Variants in CALN1 observed in about 807,000 individuals in gnomAD.
CALN1 encodes calneuron 1.
In CALN1, 17 loss-of-function variants were observed where a neutral mutation model predicts 30.6. The observed-to-expected ratio is 0.56, with a 90% CI of 0.38 to 0.83. The LOEUF (loss-of-function observed/expected upper bound fraction) is 0.83. Among genes scored for constraint, CALN1 ranks in the 40% least tolerant of loss-of-function variants. CALN1 has a pLI of 0.00. For synonymous variants in CALN1, 156 were observed against 131.4 expected, an observed-to-expected ratio of 1.19 and a Z score of -1.28; for missense variants, 291 against 354.9, an observed-to-expected ratio of 0.82 and a Z score of 1.45.
rs543162710 is a variant in CALN1, at chr7:72,389,656, G to C, written c.119+13595C>G. Among the ~76,000 whole-genome samples, 36 of 152,266 alleles carry C rather than the reference G, an allele frequency of 2.4e-4. No individual in the cohort carries two copies. The South Asian group carries it at 7.3e-3, about 31-fold the overall frequency. On this transcript the variant is annotated intron_variant, in intron 2 of 6. Coordinates refer to ENST00000395275, the MANE Select transcript of CALN1 (RefSeq NM_031468.4). Reference sequence around the variant, plus strand: ...ACCAAGGGGCTGAGCTTGGTGGCTTGTGCCTGTAATCCCAACACTTTGGGA... The same window carrying C: ...ACCAAGGGGCTGAGCTTGGTGGCTTCTGCCTGTAATCCCAACACTTTGGGA...
chr7:71,831,894 A>C (rs1313788033), intron 5 of CALN1, among the ~76,000 whole-genome samples: 8 of 150,240 alleles, frequency 5.3e-5, no homozygotes, highest in African/African-American at 1.7e-4. Context: ...AAAAAAAAAA[A>C]AAACAAACCA....
In CALN1 at chr7:71,885,806, C is replaced by T. The variant is rs568820994; in HGVS notation, c.502-75314G>A. On this transcript the variant is annotated intron_variant, in intron 5 of 6. Transcript: ENST00000395275. ...CTGACTATTATACATCCCCAGCTCT[C>T]TCTTCCTGTGGTTCTATTTTCATCC... is the stretch of plus-strand genomic sequence containing the variant. 1.1e-4 allele frequency among the ~76,000 whole-genome samples: 16 copies of T among 152,352 alleles called. 1 individual carries two copies. Among genetic ancestry groups the T allele is most frequent in the African/African-American group, 3.8e-4 (16 of 41,594 alleles).
At chr7:72,409,224 G>A (rs1806933551) in intron 1 of CALN1, among the ~76,000 whole-genome samples, 1 of 151,580 alleles carries the variant, frequency 6.6e-6, no homozygotes, top group Non-Finnish European at 1.5e-5. Flanking sequence ...TCCAAGTCCT[G>A]ACCTCATGAT....
chr7:72,234,000 T>C (rs1043650055), intron 3 of CALN1, among the ~76,000 whole-genome samples: 1 of 151,944 alleles, frequency 6.6e-6, no homozygotes, highest in Non-Finnish European at 1.5e-5. Context: ...CAAGATGTTG[T>C]CTCAAAATAA....
intron 3 of CALN1, among the ~76,000 whole-genome samples, chr7:72,259,981 C>T (rs1796159475): frequency 6.6e-6 from 1 of 152,190 alleles, no homozygotes; most frequent in Admixed American, 6.5e-5. Flanking sequence ...CAAAACACTC[C>T]AGTGCTTTGG....
chr7:71,867,059 C>A (rs949422829), intron 5 of CALN1, among the ~76,000 whole-genome samples: 1 of 151,782 alleles, frequency 6.6e-6, no homozygotes, highest in Non-Finnish European at 1.5e-5. Context: ...GCAGGGGAAT[C>A]GCTTGAATCC....
chr7:72,403,419 A>G lies in CALN1; in HGVS notation c.-50T>C, dbSNP rs1310508238. 1.4e-6 allele frequency: 2 copies of G among 1,440,576 alleles called. No individual in the cohort carries two copies. The highest frequency in any genetic ancestry group is 1.2e-5 in the South Asian group (1 of 80,056). The allele number at this position is 1,440,576 out of a possible 1,614,324, so 89.2% of individuals were successfully genotyped here. A position where few individuals can be genotyped will look rare whatever the true frequency, so the allele number is the denominator to read the frequency against. ...GAGAGAGTTAGAAGCTCATCAAAGG[A>G]ACGTCAGCGAAGGCACTGAGACTCT... On this transcript the variant is annotated 5_prime_UTR_variant, in exon 2 of 7. Coordinates refer to ENST00000395275, the MANE Select transcript of CALN1 (RefSeq NM_031468.4).
At chr7:71,902,225 AAACCAACCAACCAACC>A (rs374649403) in intron 5 of CALN1, among the ~76,000 whole-genome samples, 10 of 144,970 alleles carry the variant, frequency 6.9e-5, no homozygotes, top group South Asian at 2.1e-4. Context: ...CTCCGTCTCA[AAACCAACCAACCAACC>A]AACCAACCAA....
intron 2 of CALN1, among the ~76,000 whole-genome samples, chr7:72,336,410 G>A (rs1230789144): frequency 2.0e-5 from 3 of 152,110 alleles, no homozygotes; most frequent in African/African-American, 7.2e-5. Flanking sequence ...CACGGTGCCG[G>A]GACAGCCGAG....
chr7:71,785,504 C>T lies in CALN1; in HGVS notation c.*2271G>A, dbSNP rs1363837541. 6.6e-6 allele frequency: 1 copy of T among 152,220 alleles called. No individual in the cohort carries two copies. Among genetic ancestry groups the T allele is most frequent in the Non-Finnish European group, 1.5e-5 (1 of 68,040 alleles). 9.4% of individuals were successfully genotyped at this position (152,220 alleles called of 1,614,324 possible). On this transcript the variant is annotated 3_prime_UTR_variant, in exon 7 of 7. Transcript: ENST00000395275. ...CCCTGAAGACCAGCCTCAGCTGCAG[C>T]ATTTCAGTCCCCTCTCATGGAGGAG...
chr7:72,151,704 C>T (rs1425466122), intron 3 of CALN1, among the ~76,000 whole-genome samples: 2 of 151,798 alleles, frequency 1.3e-5, no homozygotes, highest in African/African-American at 2.4e-5. Flanking sequence ...CAGCAGATAT[C>T]GTTTTTGTTG....
At chr7:72,334,528 CCT>C (rs1237525958) in intron 2 of CALN1, among the ~76,000 whole-genome samples, 1 of 152,122 alleles carries the variant, frequency 6.6e-6, no homozygotes, top group African/African-American at 2.4e-5. Flanking sequence ...CTGTACCCCC[CCT>C]CCCCTTACAG....
rs191026979 is a variant in CALN1, at chr7:71,815,955, G to A, written c.502-5463C>T. On this transcript the variant is annotated intron_variant, in intron 5 of 6. Coordinates refer to ENST00000395275, the MANE Select transcript of CALN1 (RefSeq NM_031468.4). Reference sequence around the variant, plus strand: ...TGCAGTAGTGCGATCATAGCTTACCGCAGCCTCAAACTCCTGGGCTCAAGC... The same window carrying A: ...TGCAGTAGTGCGATCATAGCTTACCACAGCCTCAAACTCCTGGGCTCAAGC... Among the ~76,000 whole-genome samples the A allele has an allele frequency of 2.7e-5, 4 of 150,446 alleles. No homozygotes were observed. The East Asian group carries it at 5.9e-4, about 22-fold the overall frequency.
chr7:72,369,397 CTT>C (rs940417032), intron 2 of CALN1, among the ~76,000 whole-genome samples: 4 of 145,614 alleles, frequency 2.7e-5, no homozygotes, highest in African/African-American at 5.3e-5. Flanking sequence ...GAGTTTCACT[CTT>C]GTTGTCCAGG....
At chr7:72,093,177 C>T (rs765739166) in intron 4 of CALN1, among the ~76,000 whole-genome samples, 1 of 152,132 alleles carries the variant, frequency 6.6e-6, no homozygotes, top group African/African-American at 2.4e-5. Context: ...CCACTTTTCA[C>T]CATCATGTTA....
At chr7:72,115,452 C>A (rs1230108117) in intron 3 of CALN1, among the ~76,000 whole-genome samples, 3 of 143,234 alleles carry the variant, frequency 2.1e-5, no homozygotes, top group Non-Finnish European at 4.5e-5. Context: ...GTGTTCAGTT[C>A]AGTAATGATA....
chr7:72,389,497 C>T (rs1374016647), intron 2 of CALN1, among the ~76,000 whole-genome samples: 2 of 152,286 alleles, frequency 1.3e-5, no homozygotes, highest in East Asian at 3.9e-4. Context: ...CCCTGTTAGG[C>T]TTTAATTTTG....
chr7:72,402,430 G>A (rs756396318), intron 2 of CALN1, among the ~76,000 whole-genome samples: 5 of 152,122 alleles, frequency 3.3e-5, no homozygotes, highest in Admixed American at 1.3e-4. Context: ...GTCGCCACTG[G>A]AAGCTGGTGG....
At chr7:72,186,601 T>C (rs570683142) in intron 3 of CALN1, among the ~76,000 whole-genome samples, 1 of 152,262 alleles carries the variant, frequency 6.6e-6, no homozygotes, top group South Asian at 2.1e-4. Context: ...TAGTCTCCAG[T>C]GTCCCCATCT....
Sources: allele counts gnomAD v4.1 joint callset (sites outside exome capture counted in the v4.1 genomes callset), GRCh38; gene constraint gnomAD v4.1.1; transcripts MANE v1.5; gene names NCBI Gene and HGNC (gene_info 2026-07-23, HGNC 2026-07-21).